ELP1: variants seen among roughly 807,000 people sequenced by gnomAD.
ELP1 encodes the protein elongator complex protein 1.
Under a neutral mutation model 183.2 loss-of-function variants are expected in ELP1, and 131 were observed. The ratio of observed to expected loss-of-function variants is 0.72; its 90% CI spans 0.62 to 0.83. ELP1 has a LOEUF of 0.83. ELP1 is among the 40% of genes least tolerant of loss of function. The pLI, the probability that ELP1 is intolerant of heterozygous loss-of-function variation, is 0.00. For missense variants in ELP1, 1,550 were observed against 1,594.9 expected (o/e 0.97, Z 0.48); for synonymous variants, 555 against 569.0 (o/e 0.98, Z 0.35).
intron 14 of ELP1, among the ~76,000 whole-genome samples, chr9:108,904,610 T>A (rs927372755): frequency 2.0e-5 from 3 of 152,152 alleles, no homozygotes; most frequent in African/African-American, 7.2e-5. Flanking sequence ...GAGAACAAAC[T>A]CTGGAGCTAG....
chr9:108,912,257 A>C lies in ELP1; in HGVS notation c.1189+7T>G. 1 of 1,610,992 alleles carries C rather than the reference A, an allele frequency of 6.2e-7. No homozygotes were observed. The highest frequency in any genetic ancestry group is 8.5e-7 in the Non-Finnish European group (1 of 1,177,116). On this transcript the variant is annotated splice_region_variant and intron_variant, in intron 11 of 36. Transcript: ENST00000374647. ...CAGGCTCATGGACACACTTCCCAGG[A>C]GCTTACTTCCATCAATGACAGCCAC...
At position 108,919,358 on chromosome 9, in the gene ELP1, G is replaced by C. The variant is rs371793321; in HGVS notation, c.553-9C>G. On this transcript the variant is annotated splice_polypyrimidine_tract_variant and intron_variant, in intron 6 of 36. Coordinates refer to ENST00000374647, the MANE Select transcript of ELP1 (RefSeq NM_003640.5). ...GGCAAAGCAGACTCATGCTAAAAAGGGGAACAAACACCAATATTACTGGGG... is the reference window on the plus strand; with the variant it reads ...GGCAAAGCAGACTCATGCTAAAAAGCGGAACAAACACCAATATTACTGGGG... 5 of 1,586,772 alleles carry C rather than the reference G, an allele frequency of 3.2e-6. No individual in the cohort carries two copies. In the East Asian group the frequency reaches 6.7e-5, roughly 21 times the overall value.
chr9:108,890,621 C>T (rs899692036), intron 28 of ELP1, among the ~76,000 whole-genome samples: 5 of 152,198 alleles, frequency 3.3e-5, no homozygotes, highest in Admixed American at 2.0e-4. Flanking sequence ...CAACCCTTGT[C>T]CCTGACGCAG....
In ELP1 at chr9:108,875,010, T is replaced by C. The variant is rs372894892; in HGVS notation, c.3856-40A>G. 4.2e-6 allele frequency: 6 copies of C among 1,415,222 alleles called. No homozygotes were observed. The African/African-American group carries it at 5.6e-5, about 13-fold the overall frequency. 87.7% of individuals were successfully genotyped at this position (1,415,222 alleles called of 1,614,324 possible). On this transcript the variant is annotated intron_variant, in intron 35 of 36. Transcript: ENST00000374647. Reference sequence around the variant, plus strand: ...GACTGTATCAGCAAAGATTATCTAATACTTCTCAAGACTGCCAATACCAAA... The same window carrying C: ...GACTGTATCAGCAAAGATTATCTAACACTTCTCAAGACTGCCAATACCAAA...
chr9:108,921,314 G>GA (rs1466459968), intron 6 of ELP1, among the ~76,000 whole-genome samples: 1 of 151,400 alleles, frequency 6.6e-6, no homozygotes, highest in Non-Finnish European at 1.5e-5. Flanking sequence ...CTGCCTCTGT[G>GA]GATTTGCCCC....
chr9:108,896,955 T>G lies in ELP1; in HGVS notation c.2585A>C (p.Gln862Pro), dbSNP rs563636288. Residue 862 changes from glutamine (Q) to proline (P), a missense_variant and splice_region_variant, in exon 24 of 37, where the codon CAA becomes CCA. Transcript: ENST00000374647. Reference sequence around the variant, plus strand: ...TTTCTCTGTGAGCGGATCTCTACCTTGAAGCTCGTGTACTTTTTGCAGTAC... The same window carrying G: ...TTTCTCTGTGAGCGGATCTCTACCTGGAAGCTCGTGTACTTTTTGCAGTAC... ...EIVLQKVHEL[Q>P]GNAPSDPDAV... The G allele has an allele frequency of 6.2e-7, 1 of 1,613,630 alleles. No homozygotes were observed. The highest frequency in any genetic ancestry group is 8.5e-7 in the Non-Finnish European group (1 of 1,179,646).
At chr9:108,927,079 C>T (rs1054986754) in intron 4 of ELP1, among the ~76,000 whole-genome samples, 1 of 152,062 alleles carries the variant, frequency 6.6e-6, no homozygotes, top group African/African-American at 2.4e-5. Context: ...TAGCAGCCTC[C>T]CCAAGTTTTA....
rs150638391 is a variant in ELP1, at chr9:108,903,638, T to A, written c.1675A>T (p.Ser559Cys). The change falls in exon 15 of 37, where the codon AGT becomes TGT. Residue 559 changes from serine (S) to cysteine (C), a missense_variant. Physicochemically the swap from Ser to Cys is moderately radical, Grantham distance 112. Coordinates refer to ENST00000374647, the MANE Select transcript of ELP1 (RefSeq NM_003640.5). ...TTGGTCTTGGAATTGCAACATAGACTGATTATGACCCCATCCACCGCTGCA... is the reference window on the plus strand; with the variant it reads ...TTGGTCTTGGAATTGCAACATAGACAGATTATGACCCCATCCACCGCTGCA... ...SSAAVDGVII[S>C]LCCNSKTKSV... is the part of the protein sequence containing the mutation. 23 of 1,613,784 alleles carry A rather than the reference T, an allele frequency of 1.4e-5. No homozygotes were observed. Among genetic ancestry groups the A allele is most frequent in the Non-Finnish European group, 1.9e-5 (23 of 1,179,928 alleles).
intron 29 of ELP1, among the ~76,000 whole-genome samples, chr9:108,889,112 A>G (rs941120410): frequency 6.6e-6 from 1 of 152,234 alleles, no homozygotes; most frequent in African/African-American, 2.4e-5. Context: ...AACCAGTGGT[A>G]TGTTAAAGTA....
At chr9:108,881,006 C>A (rs1471545285) in intron 31 of ELP1, among the ~76,000 whole-genome samples, 1 of 152,202 alleles carries the variant, frequency 6.6e-6, no homozygotes, top group Admixed American at 6.5e-5. Context: ...TTCTATAAGT[C>A]AAACTGATGT....
intron 29 of ELP1, among the ~76,000 whole-genome samples, chr9:108,884,168 A>G (rs13292243): frequency 1.3e-5 from 2 of 152,336 alleles, no homozygotes; most frequent in South Asian, 4.1e-4. Context: ...CAAATTCAGA[A>G]TTAGGAATAG....
At chr9:108,912,793 C>T (rs1587909578) in intron 10 of ELP1, among the ~76,000 whole-genome samples, 1 of 148,486 alleles carries the variant, frequency 6.7e-6, no homozygotes. Flanking sequence ...CTCGCTCTGC[C>T]GGCCAGGCTG....
chr9:108,896,856 A>G (rs530882127), intron 24 of ELP1, 97 bp downstream of exon 24: 3 of 1,219,700 alleles, frequency 2.5e-6, no homozygotes, highest in Admixed American at 3.4e-5. Flanking sequence ...TCACATGTTA[A>G]ATCTGTGGTG....
intron 10 of ELP1, among the ~76,000 whole-genome samples, chr9:108,915,941 T>C (rs537493834): frequency 6.6e-6 from 1 of 152,136 alleles, no homozygotes; most frequent in Non-Finnish European, 1.5e-5. Context: ...TTGGCGTCCA[T>C]GGGCAATCCT....
chr9:108,929,748 T>C, intron 3 of ELP1, 21 bp downstream of exon 3: 1 of 1,613,134 alleles, frequency 6.2e-7, no homozygotes, highest in South Asian at 1.1e-5. Context: ...GACTCCCCCC[T>C]CACTGGAGTC....
chr9:108,925,015 A>C (rs1829782431), intron 5 of ELP1, among the ~76,000 whole-genome samples: 1 of 152,202 alleles, frequency 6.6e-6, no homozygotes, highest in Non-Finnish European at 1.5e-5. Context: ...ATTCTAAAAA[A>C]TGTACTCCCA....
At position 108,882,192 on chromosome 9, in the gene ELP1, C is replaced by T. The variant is rs2118947473; in HGVS notation, c.3223-5G>A. 1.2e-6 allele frequency: 2 copies of T among 1,612,300 alleles called. No individual in the cohort carries two copies. The highest frequency in any genetic ancestry group is 1.7e-6 in the Non-Finnish European group (2 of 1,179,482). On this transcript the variant is annotated splice_polypyrimidine_tract_variant and splice_region_variant and intron_variant, in intron 29 of 36. Transcript: ENST00000374647. ...GAGCACAGCTTCTTCATAATCCTGACAAGGGAACAGGAAGAAGACAACAAG... is the reference window on the plus strand; with the variant it reads ...GAGCACAGCTTCTTCATAATCCTGATAAGGGAACAGGAAGAAGACAACAAG...
chr9:108,892,249 G>A (rs533629019), intron 27 of ELP1, among the ~76,000 whole-genome samples: 2 of 152,312 alleles, frequency 1.3e-5, no homozygotes, highest in South Asian at 2.1e-4. Flanking sequence ...TGGACAAATG[G>A]GGCTAAAGGA....
At chr9:108,872,805 A>G (rs796173754) in intron 36 of ELP1, among the ~76,000 whole-genome samples, 14 of 16,904 alleles carry the variant, frequency 8.3e-4, no homozygotes, top group African/African-American at 2.9e-3. Context: ...ACTCTGTCTG[A>G]AAAAAAAAAA....
Sources: gnomAD v4.1 joint callset for allele counts (sites outside exome capture counted in the v4.1 genomes callset) on GRCh38, gnomAD v4.1.1 for gene constraint, MANE v1.5 for transcripts, NCBI Gene and HGNC (gene_info 2026-07-23, HGNC 2026-07-21) for gene names.